DCAF6: variants seen among roughly 807,000 people sequenced by gnomAD.
DCAF6 encodes DDB1- and CUL4-associated factor 6.
DCAF6 carries 54 observed loss-of-function variants against 125.1 expected under a neutral mutation model. The observed-to-expected ratio is 0.43, with a 90% CI of 0.35 to 0.54. The LOEUF is 0.54. Ranked by LOEUF, DCAF6 falls within the 20% of genes least tolerant of loss-of-function variation. DCAF6 has a pLI of 0.01. For missense variants in DCAF6, 934 were observed against 1,161.7 expected (o/e 0.80, Z 2.85); for synonymous variants, 371 against 390.4 (o/e 0.95, Z 0.58).
the DCAF6 span, among the ~76,000 whole-genome samples, chr1:167,863,928 G>T: frequency 2.4e-4 from 37 of 152,114 alleles, no homozygotes; most frequent in Admixed American, 2.4e-3. Context: ...ACTTGGTTTT[G>T]GTTTTGACTT....
upstream of DCAF6, among the ~76,000 whole-genome samples, chr1:167,932,808 CAAAA>C (rs965449372): frequency 1.8e-5 from 1 of 54,960 alleles, no homozygotes. Flanking sequence ...GACTCTGTCT[CAAAA>C]AAAAAAAAAA....
At chr1:167,995,673 C>CA (rs1352446743) in intron 7 of DCAF6, among the ~76,000 whole-genome samples, 1 of 142,598 alleles carries the variant, frequency 7.0e-6, no homozygotes, top group Non-Finnish European at 1.5e-5. Flanking sequence ...GAGCAAAACT[C>CA]AGTCTCAGAA....
intron 17 of DCAF6, among the ~76,000 whole-genome samples, chr1:168,057,994 A>G (rs1691105760): frequency 6.6e-6 from 1 of 152,246 alleles, no homozygotes; most frequent in African/African-American, 2.4e-5. Context: ...TATGGTTATC[A>G]TGCCTTGCTT....
At chr1:167,991,127 A>G in intron 5 of DCAF6, 77 bp from the exon 6 acceptor site, 2 of 1,257,026 alleles carry the variant, frequency 1.6e-6, no homozygotes, top group South Asian at 1.8e-5. Context: ...TCTAATTACT[A>G]ATGAGAAAAT....
chr1:167,885,396 T>C, the DCAF6 span, among the ~76,000 whole-genome samples: 1 of 152,236 alleles, frequency 6.6e-6, no homozygotes, highest in South Asian at 2.1e-4. Flanking sequence ...GCTAATTTAC[T>C]TTCTCATTAA....
At chr1:167,882,382 G>A in the DCAF6 span, among the ~76,000 whole-genome samples, 1 of 151,550 alleles carries the variant, frequency 6.6e-6, no homozygotes, top group African/African-American at 2.4e-5. Context: ...CTACTCAGGA[G>A]GCTGAGTCAA....
chr1:167,948,754 C>T (rs535493663), intron 1 of DCAF6, among the ~76,000 whole-genome samples: 155 of 152,250 alleles, frequency 1.0e-3, no homozygotes, highest in Non-Finnish European at 1.8e-3. Flanking sequence ...CAGGTTCAAG[C>T]GATTCTCCTA....
At chr1:167,884,747 G>T in the DCAF6 span, among the ~76,000 whole-genome samples, 1 of 148,170 alleles carries the variant, frequency 6.7e-6, no homozygotes, top group African/African-American at 2.5e-5. Flanking sequence ...GCTCAGGCTG[G>T]AGTGCAGTGG....
the DCAF6 span, among the ~76,000 whole-genome samples, chr1:167,893,023 C>T: frequency 6.6e-6 from 1 of 152,032 alleles, no homozygotes; most frequent in Non-Finnish European, 1.5e-5. Flanking sequence ...GAGTGACTGG[C>T]ATATGGTGAG....
intron 1 of DCAF6, among the ~76,000 whole-genome samples, chr1:167,943,727 T>C (rs74746493): frequency 0.041 from 6,264 of 152,322 alleles, 157 homozygotes; most frequent in Non-Finnish European, 0.064. Context: ...TGAACACGTT[T>C]GTTTAGAACA....
the DCAF6 span, among the ~76,000 whole-genome samples, chr1:167,907,920 C>T: frequency 6.6e-6 from 1 of 152,184 alleles, no homozygotes; most frequent in Non-Finnish European, 1.5e-5. Flanking sequence ...CTGGTGTCAA[C>T]TCAGAGGTAA....
At chr1:168,052,004 C>G (rs1010967441) in intron 17 of DCAF6, among the ~76,000 whole-genome samples, 33 of 151,976 alleles carry the variant, frequency 2.2e-4, no homozygotes, top group African/African-American at 7.3e-4. Flanking sequence ...CCTCAGCCTC[C>G]TGAGTATCTG....
At chr1:167,994,027 A>G (rs1238442426) in intron 7 of DCAF6, among the ~76,000 whole-genome samples, 1 of 151,804 alleles carries the variant, frequency 6.6e-6, no homozygotes, top group Admixed American at 6.6e-5. Context: ...AATAATTTGT[A>G]ATTATAATTA....
At chr1:167,947,680 A>G (rs887650320) in intron 1 of DCAF6, among the ~76,000 whole-genome samples, 4 of 151,746 alleles carry the variant, frequency 2.6e-5, no homozygotes, top group Non-Finnish European at 4.4e-5. Flanking sequence ...AGGTTTGTAA[A>G]TTTTCTCTTG....
the DCAF6 span, among the ~76,000 whole-genome samples, chr1:167,874,619 T>C: frequency 3.9e-5 from 6 of 152,180 alleles, no homozygotes; most frequent in East Asian, 1.9e-4. Flanking sequence ...TCCTACCTTG[T>C]ACTCAACAGA....
At chr1:167,864,806 T>C in the DCAF6 span, among the ~76,000 whole-genome samples, 3 of 151,638 alleles carry the variant, frequency 2.0e-5, no homozygotes, top group Non-Finnish European at 4.4e-5. Flanking sequence ...CCGAAAGCAC[T>C]GAGGCCTTCC....
At chr1:167,869,704 A>G in the DCAF6 span, among the ~76,000 whole-genome samples, 1 of 151,986 alleles carries the variant, frequency 6.6e-6, no homozygotes, top group African/African-American at 2.4e-5. Context: ...CCTGTCACGT[A>G]CCCCCTGGCT....
intron 10 of DCAF6, among the ~76,000 whole-genome samples, chr1:168,010,126 C>CT (rs1388389630): frequency 6.6e-6 from 1 of 152,154 alleles, no homozygotes; most frequent in Non-Finnish European, 1.5e-5. Flanking sequence ...GATTAGCTGT[C>CT]TAACCATTTA....
the DCAF6 span, chr1:167,899,700 A>G: frequency 4.1e-6 from 6 of 1,458,884 alleles, no homozygotes; most frequent in South Asian, 4.7e-5. Flanking sequence ...GGTTTTTGGA[A>G]AAACCATAAT....
Sources: gnomAD v4.1 joint callset for allele counts (sites outside exome capture counted in the v4.1 genomes callset) on GRCh38, gnomAD v4.1.1 for gene constraint, MANE v1.5 for transcripts, NCBI Gene and HGNC (gene_info 2026-07-23, HGNC 2026-07-21) for gene names.